The following ABCA13 variants were observed in gnomAD, a reference collection of about 807,000 sequenced individuals.
ABCA13 encodes the protein ATP-binding cassette sub-family A member 13.
A neutral mutation model predicts 478.7 loss-of-function variants in ABCA13; 476 were observed. The observed-to-expected ratio is 0.99, with a 90% CI of 0.92 to 1.07. The LOEUF (loss-of-function observed/expected upper bound fraction) is 1.07. ABCA13 is among the 50% of genes least tolerant of loss of function. ABCA13 has a pLI of 0.00. For synonymous variants in ABCA13, 2,252 were observed against 2,158.9 expected, an observed-to-expected ratio of 1.04 and a Z score of -1.20; for missense variants, 6,060 against 5,910.6, an observed-to-expected ratio of 1.03 and a Z score of -0.83.
chr7:48,512,688 C>A (rs1440170948), intron 51 of ABCA13, among the ~76,000 whole-genome samples: 1 of 152,142 alleles, frequency 6.6e-6, no homozygotes, highest in African/African-American at 2.4e-5. Flanking sequence ...TGAAAACACG[C>A]TTTTAGAAAT....
chr7:48,335,587 G>A, intron 28 of ABCA13, 52 bp downstream of exon 28: 2 of 1,438,924 alleles, frequency 1.4e-6, no homozygotes, highest in South Asian at 2.3e-5. Flanking sequence ...GCTAGGGCAT[G>A]TCCGAGACAT....
Position 48,597,693 on chromosome 7 carries a change from A to G in ABCA13, c.14744+2880A>G, listed in dbSNP as rs910109808. ...CATTTTCCTAAGGACTAACGCTGTTAGAATCTTTTCATGTGCCTATTGGTT... is the reference window on the plus strand; with the variant it reads ...CATTTTCCTAAGGACTAACGCTGTTGGAATCTTTTCATGTGCCTATTGGTT... On this transcript the variant is annotated intron_variant, in intron 58 of 61. Coordinates refer to ENST00000435803, the MANE Select transcript of ABCA13 (RefSeq NM_152701.5). 2.0e-5 allele frequency among the ~76,000 whole-genome samples: 3 copies of G among 152,324 alleles called. No individual in the cohort carries two copies. In the South Asian group the frequency reaches 6.2e-4, roughly 32 times the overall value.
chr7:48,559,027 A>T (rs369513183), intron 55 of ABCA13, among the ~76,000 whole-genome samples: 16 of 152,204 alleles, frequency 1.1e-4, no homozygotes, highest in African/African-American at 3.6e-4. Flanking sequence ...CATAACCACT[A>T]CCTGCCTACC....
intron 52 of ABCA13, 74 bp downstream of exon 52, chr7:48,516,955 T>C (rs1832168115): frequency 8.1e-6 from 12 of 1,482,058 alleles, no homozygotes; most frequent in Non-Finnish European, 9.1e-6. Flanking sequence ...CATGCCTCTT[T>C]TGTTGCTTTT....
intron 38 of ABCA13, among the ~76,000 whole-genome samples, chr7:48,399,722 A>G (rs780043132): frequency 1.2e-4 from 19 of 152,222 alleles, no homozygotes; most frequent in Non-Finnish European, 2.2e-4. Context: ...AGGGATGGGT[A>G]GATGACAACA....
chr7:48,645,449 A>G lies in ABCA13; in HGVS notation c.15114A>G (p.Gln5038=). 2 of 1,584,720 alleles carry G rather than the reference A, an allele frequency of 1.3e-6. No individual in the cohort carries two copies. The highest frequency in any genetic ancestry group is 1.7e-6 in the Non-Finnish European group (2 of 1,164,190). The stretch of plus-strand genomic sequence containing the variant: ...TTAATTTTGCTTCTGAGCAGCAGCA[A>G]ACTCTACAATCTACTCTTGATCCAT... The part of the protein sequence containing the change: ...VFINFASEQQ[Q]TLQSTLDPST... Residue 5038 remains glutamine, a synonymous_variant, in exon 62 of 62, where the codon CAA becomes CAG. Transcript: ENST00000435803.
chr7:48,309,864 C>T (rs2128879213), intron 23 of ABCA13, 83 bp from the exon 24 acceptor site: 1 of 1,513,974 alleles, frequency 6.6e-7, no homozygotes. Context: ...GGGCGACTCC[C>T]TGCCGATGAA....
At chr7:48,611,249 A>T (rs1434897541) in intron 58 of ABCA13, among the ~76,000 whole-genome samples, 3 of 152,108 alleles carry the variant, frequency 2.0e-5, no homozygotes, top group Non-Finnish European at 4.4e-5. Context: ...TGTCTGTATC[A>T]CTATCAGCAT....
At chr7:48,636,693 T>G (rs911750568) in intron 59 of ABCA13, among the ~76,000 whole-genome samples, 6 of 152,200 alleles carry the variant, frequency 3.9e-5, no homozygotes, top group African/African-American at 1.4e-4. Context: ...CCAACATTTT[T>G]GAATGTGGGC....
intron 54 of ABCA13, 49 bp downstream of exon 54, chr7:48,524,489 C>A: frequency 6.7e-7 from 1 of 1,485,052 alleles, no homozygotes; most frequent in South Asian, 1.3e-5. Flanking sequence ...ACCTGTACAA[C>A]TCTAGTAGCT....
chr7:48,599,283 T>G (rs1157824136), intron 58 of ABCA13, among the ~76,000 whole-genome samples: 1 of 152,080 alleles, frequency 6.6e-6, no homozygotes, highest in Non-Finnish European at 1.5e-5. Context: ...TCTGATTTAA[T>G]TTGGTTGTCA....
At chr7:48,423,643 A>G (rs1252594381) in intron 41 of ABCA13, among the ~76,000 whole-genome samples, 1 of 152,238 alleles carries the variant, frequency 6.6e-6, no homozygotes, top group East Asian at 1.9e-4. Flanking sequence ...AAGGAGATGT[A>G]GATCCCCAAA....
intron 8 of ABCA13, among the ~76,000 whole-genome samples, chr7:48,234,718 G>A (rs1317640369): frequency 2.0e-5 from 3 of 152,178 alleles, no homozygotes; most frequent in Non-Finnish European, 4.4e-5. Flanking sequence ...TTTAGTTACA[G>A]AGTCCCTTTT....
intron 37 of ABCA13, among the ~76,000 whole-genome samples, chr7:48,390,372 T>C: frequency 6.6e-6 from 1 of 152,216 alleles, no homozygotes; most frequent in Non-Finnish European, 1.5e-5. Context: ...TCTTCACTAT[T>C]TAAAACAACA....
intron 20 of ABCA13, among the ~76,000 whole-genome samples, chr7:48,290,018 T>A (rs1363064353): frequency 1.3e-5 from 2 of 152,218 alleles, no homozygotes; most frequent in Non-Finnish European, 2.9e-5. Context: ...GTTTTCAGTA[T>A]CTAAATAAAT....
At chr7:48,227,466 G>C (rs1562823176) in intron 6 of ABCA13, 41 bp downstream of exon 6, 1 of 1,589,454 alleles carries the variant, frequency 6.3e-7, no homozygotes, top group Non-Finnish European at 8.6e-7. Flanking sequence ...TCAATATGTT[G>C]TTTTTTTACC....
In ABCA13 at chr7:48,511,075, T is replaced by A. The variant is rs1474741874; in HGVS notation, c.13525-9T>A. ...AACAGCTCTCCCTTATTTCTTTTTA[T>A]CTTCTCAGCTCTTTTACTTGGTTTC... is the stretch of plus-strand genomic sequence containing the variant. On this transcript the variant is annotated splice_polypyrimidine_tract_variant and intron_variant, in intron 50 of 61. Coordinates refer to ENST00000435803, the MANE Select transcript of ABCA13 (RefSeq NM_152701.5). The A allele has an allele frequency of 6.2e-7, 1 of 1,607,200 alleles. No homozygotes were observed. Among genetic ancestry groups the A allele is most frequent in the Non-Finnish European group, 8.5e-7 (1 of 1,173,968 alleles).
At chr7:48,596,272 C>G (rs760860626) in intron 58 of ABCA13, among the ~76,000 whole-genome samples, 3 of 152,168 alleles carry the variant, frequency 2.0e-5, no homozygotes, top group Non-Finnish European at 4.4e-5. Context: ...AATTCATTCA[C>G]TGATAGGTTT....
intron 52 of ABCA13, among the ~76,000 whole-genome samples, chr7:48,519,083 C>T (rs1396382516): frequency 6.6e-6 from 1 of 152,146 alleles, no homozygotes; most frequent in South Asian, 2.1e-4. Flanking sequence ...TCTGTTCCTA[C>T]ATTAGTTTTC....
Sources: gnomAD v4.1 joint callset for allele counts (sites outside exome capture counted in the v4.1 genomes callset) on GRCh38, gnomAD v4.1.1 for gene constraint, MANE v1.5 for transcripts, NCBI Gene and HGNC (gene_info 2026-07-23, HGNC 2026-07-21) for gene names.